DBH: variants seen among roughly 807,000 people sequenced by gnomAD.
DBH encodes dopamine beta-hydroxylase, also known as dopamine beta-hydroxylase (dopamine beta-monooxygenase).
A neutral mutation model predicts 64.0 loss-of-function variants in DBH; 49 were observed. That is an observed-to-expected ratio of 0.77 (90% CI 0.61 to 0.97). The LOEUF (loss-of-function observed/expected upper bound fraction) is 0.97, where lower values mean the gene tolerates loss of function less well. Ranked by LOEUF, DBH falls within the 50% of genes least tolerant of loss-of-function variation. DBH has a pLI of 0.00. For missense variants in DBH, 828 were observed against 826.6 expected, an observed-to-expected ratio of 1.00 and a Z score of -0.02; for synonymous variants, 343 against 347.1, an observed-to-expected ratio of 0.99 and a Z score of 0.13.
rs757395915 is a variant in DBH at position 133,653,004 on chromosome 9, G to T, written c.1434+5G>T. The stretch of plus-strand genomic sequence containing the variant: ...GACCGGGAGCTGGCCACAGTGGTAA[G>T]TCACCCCCGCTTCCCCCTGCACCTG... On this transcript the variant is annotated splice_donor_5th_base_variant and intron_variant, in intron 9 of 11. Coordinates refer to ENST00000393056, the MANE Select transcript of DBH (RefSeq NM_000787.4). The T allele has an allele frequency of 6.2e-7, 1 of 1,610,876 alleles. No individual in the cohort carries two copies. Among genetic ancestry groups the T allele is most frequent in the African/African-American group, 1.3e-5 (1 of 74,852 alleles).
In DBH at chr9:133,643,773, A is replaced by C. The variant is rs1490981138; in HGVS notation, c.921+184A>C. 1.3e-5 allele frequency among the ~76,000 whole-genome samples: 2 copies of C among 152,158 alleles called. No homozygotes were observed. Among genetic ancestry groups the C allele is most frequent in the Non-Finnish European group, 2.9e-5 (2 of 68,022 alleles). On this transcript the variant is annotated intron_variant, in intron 4 of 11. Transcript: ENST00000393056. This position sits in a 1 kb window ranked among gnomAD's most constrained non-coding sequence, Gnocchi z 5.3. ...GCCTCTGTGATGTCTGAAATGCTTC[A>C]AGCCTTTTTTTTATTTTCCACAGAA...
At chr9:133,636,893 A>G (rs1026196016) in intron 1 of DBH, among the ~76,000 whole-genome samples, 183 bp downstream of exon 1, 7 of 152,116 alleles carry the variant, frequency 4.6e-5, no homozygotes, top group African/African-American at 1.7e-4. Context: ...TCTCAGTTTG[A>G]GGACAAAATA....
chr9:133,638,154 C>A (rs1293667100), intron 1 of DBH, among the ~76,000 whole-genome samples: 1 of 152,240 alleles, frequency 6.6e-6, no homozygotes, highest in African/African-American at 2.4e-5. Context: ...TTAATTTGCA[C>A]AACAAATTCC....
In DBH at chr9:133,637,400, A is replaced by G. The variant is rs539403380; in HGVS notation, c.339+690A>G. Among the ~76,000 whole-genome samples the G allele has an allele frequency of 7.2e-5, 11 of 152,338 alleles. No homozygotes were observed. The South Asian group carries it at 2.1e-3, about 29-fold the overall frequency. On this transcript the variant is annotated intron_variant, in intron 1 of 11. Transcript: ENST00000393056. The stretch of plus-strand genomic sequence containing the variant: ...GACTTTAGGCCCTTCCACAAGCTGC[A>G]GGGGGTCCCCGAAGTGGGCGAGCCC...
intron 2 of DBH, among the ~76,000 whole-genome samples, chr9:133,640,961 G>A (rs1427983395): frequency 6.6e-6 from 1 of 152,222 alleles, no homozygotes; most frequent in African/African-American, 2.4e-5. Context: ...GTCTCTAGTT[G>A]CCTGGTTCCT....
intron 2 of DBH, among the ~76,000 whole-genome samples, chr9:133,640,713 CTGAG>C (rs1564208463): frequency 6.6e-6 from 1 of 152,246 alleles, no homozygotes; most frequent in African/African-American, 2.4e-5. Flanking sequence ...ATGGGTGTAG[CTGAG>C]TGACCACACG....
At position 133,643,352 on chromosome 9, in the gene DBH, G is replaced by A; in HGVS notation, c.745-61G>A. On this transcript the variant is annotated intron_variant, in intron 3 of 11. Coordinates refer to ENST00000393056, the MANE Select transcript of DBH (RefSeq NM_000787.4). The surrounding 1 kb of genome is among the most constrained non-coding windows in gnomAD (Gnocchi z 5.3). ...GGCATTCGGAAGCCCATGGAGGAGG[G>A]CTGCTGGGGAGGGGAGGGTGGGCGG... The A allele has an allele frequency of 6.3e-7, 1 of 1,578,094 alleles. No homozygotes were observed.
chr9:133,654,976 G>A (rs975315654), intron 9 of DBH: 1 of 152,378 alleles, frequency 6.6e-6, no homozygotes, highest in Non-Finnish European at 1.5e-5. Context: ...GGCATCCAGC[G>A]AGGAGACTGC....
In DBH at chr9:133,643,267, G is replaced by A; in HGVS notation, c.745-146G>A. On this transcript the variant is annotated intron_variant, in intron 3 of 11. Transcript: ENST00000393056. This position sits in a 1 kb window ranked among gnomAD's most constrained non-coding sequence, Gnocchi z 5.3. ...CTGGGCTGATGGCTCCACCCTCAAGGCTGTGAACCCCAGAAGTGCCCCTGA... is the reference window on the plus strand; with the variant it reads ...CTGGGCTGATGGCTCCACCCTCAAGACTGTGAACCCCAGAAGTGCCCCTGA... The A allele has an allele frequency of 1.2e-6, 1 of 825,604 alleles. No individual in the cohort carries two copies. Among genetic ancestry groups the A allele is most frequent in the Non-Finnish European group, 2.0e-6 (1 of 502,148 alleles). 51.1% of individuals were successfully genotyped at this position (825,604 alleles called of 1,614,324 possible).
chr9:133,658,062 T>C (rs1053469497), intron 11 of DBH, among the ~76,000 whole-genome samples: 2 of 151,620 alleles, frequency 1.3e-5, no homozygotes, highest in Non-Finnish European at 2.9e-5. Context: ...AATGATTAAA[T>C]TGGGTGGGGA....
At chr9:133,638,325 G>C (rs1005072037) in intron 1 of DBH, among the ~76,000 whole-genome samples, 11 of 152,198 alleles carry the variant, frequency 7.2e-5, no homozygotes, top group South Asian at 4.1e-4. Flanking sequence ...GCATTGTGTG[G>C]CTTTTTTCTC....
In DBH at chr9:133,651,887, T is replaced by C. The variant is rs10121827; in HGVS notation, c.1335+110T>C. The C allele has an allele frequency of 0.032, 38,364 of 1,202,458 alleles. 1,931 individuals are homozygous for C. Among genetic ancestry groups the C allele is most frequent in the African/African-American group, 0.21 (13,725 of 66,024 alleles). 74.5% of individuals were successfully genotyped at this position (1,202,458 alleles called of 1,614,324 possible). On this transcript the variant is annotated intron_variant, in intron 7 of 11. Coordinates refer to ENST00000393056, the MANE Select transcript of DBH (RefSeq NM_000787.4). ...GGGATGGCTCCAGGCTGGCTTCTTT[T>C]TCCTGGGCCAGCCCCACCCGCCCCC...
rs372683052 is a variant in DBH at position 133,642,469 on chromosome 9, G to A, written c.744+5G>A. ...TCTCGGCACCACATTATCAAGGTAC[G>A]TGCGGGTCCAGGGCCGAGGTCCTCG... On this transcript the variant is annotated splice_donor_5th_base_variant and intron_variant, in intron 3 of 11. Coordinates refer to ENST00000393056, the MANE Select transcript of DBH (RefSeq NM_000787.4). 1.4e-5 allele frequency: 23 copies of A among 1,603,764 alleles called. No individual in the cohort carries two copies. The highest frequency in any genetic ancestry group is 6.7e-5 in the African/African-American group (5 of 74,760).
At position 133,643,386 on chromosome 9, in the gene DBH, C is replaced by T. The variant is rs748944621; in HGVS notation, c.745-27C>T. The T allele has an allele frequency of 9.3e-6, 15 of 1,613,102 alleles. No homozygotes were observed. The highest frequency in any genetic ancestry group is 5.0e-5 in the Admixed American group (3 of 60,002). On this transcript the variant is annotated intron_variant, in intron 3 of 11. Transcript: ENST00000393056. This position sits in a 1 kb window ranked among gnomAD's most constrained non-coding sequence, Gnocchi z 5.3. Reference sequence around the variant, plus strand: ...GAGGGGAGGGTGGGCGGCCGGTTCCCGGGCTCAGAGGGCTGCCTCCTCACA... The same window carrying T: ...GAGGGGAGGGTGGGCGGCCGGTTCCTGGGCTCAGAGGGCTGCCTCCTCACA...
chr9:133,646,379 G>T (rs539771627), intron 5 of DBH, among the ~76,000 whole-genome samples: 2 of 152,138 alleles, frequency 1.3e-5, no homozygotes, highest in Admixed American at 1.3e-4. Flanking sequence ...ATGGGGCCAG[G>T]CCTTTAGATC....
intron 6 of DBH, among the ~76,000 whole-genome samples, chr9:133,650,938 C>T (rs1262677104): frequency 6.6e-6 from 1 of 152,242 alleles, no homozygotes; most frequent in Non-Finnish European, 1.5e-5. Flanking sequence ...CCAGTGATGG[C>T]ATAAGACCTC....
At chr9:133,657,383 C>G in intron 11 of DBH, 154 bp downstream of exon 11, 2 of 678,366 alleles carry the variant, frequency 2.9e-6, no homozygotes, top group Non-Finnish European at 4.9e-6. Flanking sequence ...TAGGCCTAGA[C>G]AGCCAGCCAG....
rs772642921 is a variant in DBH, at chr9:133,643,405, C to T, written c.745-8C>T. ...GGTTCCCGGGCTCAGAGGGCTGCCTCCTCACAGTACGAGCCCATCGTCACC... is the reference window on the plus strand; with the variant it reads ...GGTTCCCGGGCTCAGAGGGCTGCCTTCTCACAGTACGAGCCCATCGTCACC... On this transcript the variant is annotated splice_region_variant and splice_polypyrimidine_tract_variant and intron_variant, in intron 3 of 11. Transcript: ENST00000393056. The surrounding 1 kb of genome is among the most constrained non-coding windows in gnomAD (Gnocchi z 5.3). 4.3e-6 allele frequency: 7 copies of T among 1,613,750 alleles called. No individual in the cohort carries two copies. The highest frequency in any genetic ancestry group is 5.9e-6 in the Non-Finnish European group (7 of 1,180,000).
At chr9:133,656,382 A>G (rs1588354608) in intron 9 of DBH, 141 bp from the exon 10 acceptor site, 1 of 1,132,334 alleles carries the variant, frequency 8.8e-7, no homozygotes, top group East Asian at 2.5e-5. Context: ...GAGGGCAGGG[A>G]CTCGGTTCCC....
Sources: gnomAD v4.1 joint callset for allele counts (sites outside exome capture counted in the v4.1 genomes callset) on GRCh38, gnomAD v4.1.1 for gene constraint, Gnocchi (gnomAD v3.1) non-coding constraint, MANE v1.5 for transcripts, NCBI Gene and HGNC (gene_info 2026-07-23, HGNC 2026-07-21) for gene names.